PPP2R5E: variants seen among roughly 807,000 people sequenced by gnomAD.
PPP2R5E encodes the protein serine/threonine-protein phosphatase 2A 56 kDa regulatory subunit epsilon isoform.
PPP2R5E carries 4 observed loss-of-function variants against 65.3 expected under a neutral mutation model. The ratio of observed to expected loss-of-function variants is 0.06; its 90% CI spans 0.03 to 0.14. The LOEUF is 0.14. Among genes scored for constraint, PPP2R5E ranks in the 10% least tolerant of loss-of-function variants. The pLI is 1.00. For missense variants in PPP2R5E, 274 were observed against 556.1 expected (o/e 0.49, Z 5.10); for synonymous variants, 183 against 187.4 (o/e 0.98, Z 0.19).
intron 3 of PPP2R5E, among the ~76,000 whole-genome samples, chr14:63,437,701 A>G (rs1404141694): frequency 1.3e-5 from 2 of 152,188 alleles, no homozygotes; most frequent in African/African-American, 4.8e-5. Flanking sequence ...ATTTCAAAGT[A>G]GCCCATTTAG....
rs150664337 is a variant in PPP2R5E at position 63,445,956 on chromosome 14, T to G, written c.354+7733A>C. On this transcript the variant is annotated intron_variant, in intron 3 of 13. Transcript: ENST00000337537. ...ATAGCATTTTATCCACAATGGAACTTCTTTTCAAATTGGAGTCAATCCTCC... is the reference window on the plus strand; with the variant it reads ...ATAGCATTTTATCCACAATGGAACTGCTTTTCAAATTGGAGTCAATCCTCC... Among the ~76,000 whole-genome samples the G allele has an allele frequency of 1.1e-3, 163 of 152,358 alleles. 1 individual carries two copies. Among genetic ancestry groups the G allele is most frequent in the East Asian group, 0.01 (52 of 5,186 alleles).
chr14:63,397,724 CTT>C (rs750438698), intron 5 of PPP2R5E, among the ~76,000 whole-genome samples: 24 of 138,748 alleles, frequency 1.7e-4, no homozygotes, highest in African/African-American at 1.8e-4. Flanking sequence ...ATGTGAATAA[CTT>C]TTTTTTTTTT....
Position 63,539,639 on chromosome 14 carries a change from C to A in PPP2R5E, c.47G>T (p.Gly16Val). 6.2e-7 allele frequency: 1 copy of A among 1,614,040 alleles called. No homozygotes were observed. The highest frequency in any genetic ancestry group is 8.5e-7 in the Non-Finnish European group (1 of 1,179,970). ...TTTTCTGACGGACTTCCGAGAAAAT[C>A]CGTCTACTTTATCCACTGATGGAGG... ...TTPPSVDKVD[G>V]FSRKSVRKAR... The change falls in exon 2 of 14, where the codon GGA becomes GTA. Residue 16 changes from glycine to valine, a missense_variant. Coordinates refer to ENST00000337537, the MANE Select transcript of PPP2R5E (RefSeq NM_006246.5).
At chr14:63,384,880 G>A (rs1292325528) in intron 11 of PPP2R5E, among the ~76,000 whole-genome samples, 3 of 152,122 alleles carry the variant, frequency 2.0e-5, no homozygotes, top group Non-Finnish European at 4.4e-5. Context: ...ATTTTTAGTA[G>A]AGGCGGGGTT....
intron 3 of PPP2R5E, among the ~76,000 whole-genome samples, chr14:63,450,175 G>A (rs116046707): frequency 0.013 from 1,917 of 152,060 alleles, 38 homozygotes; most frequent in African/African-American, 0.044. Context: ...CGCGCCCAGC[G>A]CCTTGTCTCT....
At chr14:63,439,361 T>TG (rs1555360471) in intron 3 of PPP2R5E, among the ~76,000 whole-genome samples, 21 of 151,984 alleles carry the variant, frequency 1.4e-4, no homozygotes, top group African/African-American at 5.1e-4. Context: ...TCTGTTTTTT[T>TG]TTTTTGTTTT....
At chr14:63,524,931 G>A (rs994842387) in intron 2 of PPP2R5E, among the ~76,000 whole-genome samples, 2 of 152,200 alleles carry the variant, frequency 1.3e-5, no homozygotes, top group Non-Finnish European at 2.9e-5. Context: ...AGCACAGTAT[G>A]ACCAAGATTG....
chr14:63,396,564 T>TC, intron 6 of PPP2R5E, 22 bp downstream of exon 6: 2 of 1,608,918 alleles, frequency 1.2e-6, no homozygotes, highest in South Asian at 1.1e-5. Context: ...TTCTCCTTCT[T>TC]CCCCCATCAC....
intron 2 of PPP2R5E, 96 bp downstream of exon 2, chr14:63,539,433 A>G: frequency 7.4e-7 from 1 of 1,346,044 alleles, no homozygotes; most frequent in South Asian, 1.5e-5. Flanking sequence ...CATCCCTTCA[A>G]TTTGCAACAC....
At chr14:63,515,535 CTT>C (rs200790475) in intron 2 of PPP2R5E, among the ~76,000 whole-genome samples, 10 of 145,562 alleles carry the variant, frequency 6.9e-5, no homozygotes, top group Admixed American at 2.1e-4. Flanking sequence ...TTCACAGACA[CTT>C]TTTTTTTTTT....
chr14:63,482,663 A>G (rs1255293462), intron 2 of PPP2R5E, among the ~76,000 whole-genome samples: 2 of 152,234 alleles, frequency 1.3e-5, no homozygotes, highest in African/African-American at 4.8e-5. Flanking sequence ...TAATAAATAC[A>G]GTAAACCAGA....
At chr14:63,434,129 ATTAAG>A (rs576821348) in intron 3 of PPP2R5E, among the ~76,000 whole-genome samples, 267 of 152,378 alleles carry the variant, frequency 1.8e-3, no homozygotes, top group Non-Finnish European at 2.8e-3. Flanking sequence ...ATTATTTCCT[ATTAAG>A]TTATTTCTTC....
chr14:63,444,427 G>A (rs1354241521), intron 3 of PPP2R5E, among the ~76,000 whole-genome samples: 2 of 152,098 alleles, frequency 1.3e-5, no homozygotes, highest in Non-Finnish European at 2.9e-5. Context: ...GTTCACGTGA[G>A]TATTCCCTCT....
chr14:63,424,490 G>A (rs1446033666), intron 3 of PPP2R5E, among the ~76,000 whole-genome samples: 4 of 152,100 alleles, frequency 2.6e-5, no homozygotes, highest in African/African-American at 9.7e-5. Flanking sequence ...GGTGGCTCAC[G>A]CCTGTAATCC....
chr14:63,417,194 T>C (rs528965031), intron 4 of PPP2R5E, among the ~76,000 whole-genome samples: 4 of 152,348 alleles, frequency 2.6e-5, no homozygotes, highest in African/African-American at 4.8e-5. Flanking sequence ...AATGTTGACA[T>C]GTTTTATTAT....
chr14:63,428,936 T>G (rs1887481511), intron 3 of PPP2R5E, among the ~76,000 whole-genome samples: 1 of 152,196 alleles, frequency 6.6e-6, no homozygotes, highest in South Asian at 2.1e-4. Context: ...AGGAAAATAT[T>G]ATAATAGAAC....
At chr14:63,411,013 C>G (rs546156733) in intron 5 of PPP2R5E, among the ~76,000 whole-genome samples, 28 of 152,306 alleles carry the variant, frequency 1.8e-4, no homozygotes, top group Middle Eastern at 6.8e-3. Flanking sequence ...TATTTCTTGT[C>G]TCTGGCAAAA....
chr14:63,534,539 T>TC (rs777049367), intron 2 of PPP2R5E, among the ~76,000 whole-genome samples: 4 of 152,288 alleles, frequency 2.6e-5, no homozygotes, highest in Admixed American at 6.5e-5. Context: ...GATTTTACTT[T>TC]CTTATCAAGT....
intron 3 of PPP2R5E, chr14:63,451,221 C>T (rs1384463704): frequency 6.6e-6 from 1 of 152,030 alleles, no homozygotes; most frequent in Non-Finnish European, 1.5e-5. Flanking sequence ...GGTATTTACC[C>T]AAAGGAGCTG....
Sources: gnomAD v4.1 joint callset for allele counts (sites outside exome capture counted in the v4.1 genomes callset) on GRCh38, gnomAD v4.1.1 for gene constraint, MANE v1.5 for transcripts, NCBI Gene and HGNC (gene_info 2026-07-23, HGNC 2026-07-21) for gene names.